RALYL: variants seen among roughly 807,000 people sequenced by gnomAD.
RALYL encodes the protein RALY RNA binding protein like.
RALYL carries 29 observed loss-of-function variants against 35.1 expected under a neutral mutation model. That is an observed-to-expected ratio of 0.83 (90% confidence interval 0.61 to 1.13). The LOEUF (loss-of-function observed/expected upper bound fraction) is 1.13, where lower values mean the gene tolerates loss of function less well. RALYL is among the 50% of genes most tolerant of loss of function. RALYL has a pLI of 0.00. For synonymous variants in RALYL, 120 were observed against 127.6 expected (o/e 0.94, Z 0.40); for missense variants, 359 against 360.4 (o/e 1.00, Z 0.03).
At chr8:84,628,491 C>G (rs145939789) in intron 2 of RALYL, among the ~76,000 whole-genome samples, 1,905 of 152,124 alleles carry the variant, frequency 0.013, 46 homozygotes, top group African/African-American at 0.043. Flanking sequence ...TTACTTTTAC[C>G]TACTACATTA....
chr8:84,244,955 G>T (rs748934711), intron 1 of RALYL, among the ~76,000 whole-genome samples: 5 of 152,132 alleles, frequency 3.3e-5, no homozygotes, highest in Non-Finnish European at 7.4e-5. Flanking sequence ...TTAAGGCATA[G>T]AAGGGAGAGT....
At chr8:84,485,316 C>T (rs551251344) in intron 1 of RALYL, among the ~76,000 whole-genome samples, 7 of 152,200 alleles carry the variant, frequency 4.6e-5, no homozygotes, top group East Asian at 3.9e-4. Context: ...TGACTGGGAA[C>T]GGTGGCTCAC....
intron 1 of RALYL, among the ~76,000 whole-genome samples, chr8:84,385,532 T>A (rs1237482015): frequency 1.3e-5 from 2 of 151,848 alleles, no homozygotes; most frequent in Non-Finnish European, 2.9e-5. Flanking sequence ...TCTGAAGGGC[T>A]TCTTCCTAGC....
chr8:84,296,424 A>G lies in RALYL; in HGVS notation c.-24+112000A>G, dbSNP rs111620699. Among the ~76,000 whole-genome samples the G allele has an allele frequency of 4.2e-4, 64 of 152,152 alleles. 1 individual carries two copies. The highest frequency in any genetic ancestry group is 1.5e-3 in the African/African-American group (63 of 41,524). The stretch of plus-strand genomic sequence containing the variant: ...AGATCACATACATATATCCCAGGAC[A>G]CATCTTTCCTAGGTCTGTGACATCT... On this transcript the variant is annotated intron_variant, in intron 1 of 8. Transcript: ENST00000521268.
intron 1 of RALYL, among the ~76,000 whole-genome samples, chr8:84,209,735 C>T (rs866915829): frequency 2.0e-5 from 3 of 152,122 alleles, no homozygotes; most frequent in African/African-American, 7.2e-5. Context: ...GGAACCAGTG[C>T]TGTAATACCA....
chr8:84,400,275 T>C (rs1007395349), intron 1 of RALYL, among the ~76,000 whole-genome samples: 11 of 152,228 alleles, frequency 7.2e-5, no homozygotes, highest in Non-Finnish European at 1.5e-4. Context: ...CTGAGGGTAA[T>C]CTTATACAGT....
chr8:84,844,475 G>T (rs1333115189), intron 4 of RALYL, among the ~76,000 whole-genome samples: 3 of 152,194 alleles, frequency 2.0e-5, no homozygotes, highest in Admixed American at 1.3e-4. Context: ...AACAACAGGT[G>T]CTGGAGAGGA....
At chr8:84,290,660 C>A (rs564598354) in intron 1 of RALYL, among the ~76,000 whole-genome samples, 27 of 152,270 alleles carry the variant, frequency 1.8e-4, no homozygotes, top group African/African-American at 5.5e-4. Flanking sequence ...ATATTCACTT[C>A]TTTTGTGATT....
intron 3 of RALYL, among the ~76,000 whole-genome samples, chr8:84,781,938 T>A (rs1282947620): frequency 6.6e-6 from 1 of 152,090 alleles, no homozygotes; most frequent in East Asian, 1.9e-4. Context: ...TGTAAACTTA[T>A]TATATAGGCC....
intron 2 of RALYL, among the ~76,000 whole-genome samples, chr8:84,612,500 G>A (rs1818527197): frequency 6.6e-6 from 1 of 151,936 alleles, no homozygotes; most frequent in African/African-American, 2.4e-5. Flanking sequence ...ATCTTATAAA[G>A]CTTGAGAAAG....
At chr8:84,850,895 T>C (rs1435053805) in intron 5 of RALYL, among the ~76,000 whole-genome samples, 1 of 152,228 alleles carries the variant, frequency 6.6e-6, no homozygotes, top group Admixed American at 6.5e-5. Context: ...CATAGCGTTA[T>C]ACGTTTCATC....
intron 2 of RALYL, among the ~76,000 whole-genome samples, chr8:84,537,139 TAATA>T (rs1250116114): frequency 8.8e-5 from 12 of 136,926 alleles, no homozygotes; most frequent in Admixed American, 6.4e-4. Context: ...ACTTAAAGTA[TAATA>T]AATAAATATA....
chr8:84,235,842 C>G (rs1826425603), intron 1 of RALYL, among the ~76,000 whole-genome samples: 1 of 148,494 alleles, frequency 6.7e-6, no homozygotes, highest in Non-Finnish European at 1.5e-5. Flanking sequence ...TCTCGGCTCA[C>G]TGCAGTCTCC....
chr8:84,450,083 T>G (rs1437622600), intron 1 of RALYL, among the ~76,000 whole-genome samples: 3 of 151,790 alleles, frequency 2.0e-5, no homozygotes, highest in Non-Finnish European at 2.9e-5. Flanking sequence ...AGTTCTATAA[T>G]TATTTTAATT....
chr8:84,916,129 G>A (rs1848428719), intron 8 of RALYL, among the ~76,000 whole-genome samples: 1 of 151,846 alleles, frequency 6.6e-6, no homozygotes, highest in Non-Finnish European at 1.5e-5. Flanking sequence ...GGAAAAAGGA[G>A]GAACTTAATG....
At chr8:84,273,509 G>T (rs922788840) in intron 1 of RALYL, among the ~76,000 whole-genome samples, 1 of 152,186 alleles carries the variant, frequency 6.6e-6, no homozygotes, top group African/African-American at 2.4e-5. Flanking sequence ...ACAGAGAAGG[G>T]TCATTAAATC....
intron 1 of RALYL, among the ~76,000 whole-genome samples, chr8:84,454,066 A>C (rs1334236209): frequency 6.6e-6 from 1 of 152,064 alleles, no homozygotes; most frequent in African/African-American, 2.4e-5. Context: ...GTCAGAAGTA[A>C]TGCATCTTTG....
intron 1 of RALYL, among the ~76,000 whole-genome samples, chr8:84,389,343 C>T (rs3993399): frequency 0.62 from 94,590 of 151,602 alleles, 30,220 homozygotes; most frequent in African/African-American, 0.76. Context: ...TTTGGTTCCA[C>T]ATGAACTTTA....
intron 1 of RALYL, among the ~76,000 whole-genome samples, chr8:84,428,193 C>T (rs2046749744): frequency 6.6e-6 from 1 of 151,148 alleles, no homozygotes; most frequent in African/African-American, 2.4e-5. Flanking sequence ...AAATAAATAA[C>T]TCTATAGAAT....
Sources: gnomAD v4.1 joint callset for allele counts (sites outside exome capture counted in the v4.1 genomes callset) on GRCh38, gnomAD v4.1.1 for gene constraint, MANE v1.5 for transcripts, NCBI Gene and HGNC (gene_info 2026-07-23, HGNC 2026-07-21) for gene names.